The following UNC13C variants were observed in gnomAD, a reference collection of about 807,000 sequenced individuals.
The protein encoded by UNC13C is protein unc-13 homolog C.
In UNC13C, 174 loss-of-function variants were observed where a neutral mutation model predicts 245.4. The observed-to-expected ratio is 0.71, with a 90% CI of 0.63 to 0.80. The LOEUF (loss-of-function observed/expected upper bound fraction) is 0.80. UNC13C is among the 30% of genes least tolerant of loss of function. The pLI, the probability that UNC13C is intolerant of heterozygous loss-of-function variation, is 0.00. For synonymous variants in UNC13C, 992 were observed against 895.1 expected, an observed-to-expected ratio of 1.11 and a Z score of -1.93; for missense variants, 2,829 against 2,602.9, an observed-to-expected ratio of 1.09 and a Z score of -1.89.
intron 17 of UNC13C, among the ~76,000 whole-genome samples, chr15:54,365,926 C>A (rs999515870): frequency 1.3e-5 from 2 of 152,042 alleles, no homozygotes; most frequent in Non-Finnish European, 2.9e-5. Context: ...GAAAATATAT[C>A]GTTTTCAATT....
intron 10 of UNC13C, among the ~76,000 whole-genome samples, chr15:54,287,568 A>T (rs1325365722): frequency 6.6e-6 from 1 of 152,336 alleles, no homozygotes; most frequent in African/African-American, 2.4e-5. Flanking sequence ...TTCAAAGAAC[A>T]AAGCTTATTT....
intron 4 of UNC13C, among the ~76,000 whole-genome samples, chr15:54,227,944 G>C (rs1484743441): frequency 6.6e-6 from 1 of 152,220 alleles, no homozygotes; most frequent in Non-Finnish European, 1.5e-5. Context: ...AGGATAGTGA[G>C]TTCGCTCTCA....
intron 4 of UNC13C, among the ~76,000 whole-genome samples, chr15:54,169,163 A>C (rs1464040153): frequency 6.6e-6 from 1 of 152,188 alleles, no homozygotes; most frequent in Admixed American, 6.5e-5. Context: ...AAGTTTTTCA[A>C]ATTAGACGAA....
At chr15:54,544,582 A>T (rs1044346834) in intron 26 of UNC13C, among the ~76,000 whole-genome samples, 1 of 152,226 alleles carries the variant, frequency 6.6e-6, no homozygotes, top group Admixed American at 6.5e-5. Flanking sequence ...TGAAGCTGAT[A>T]AGAACCTTAA....
At chr15:54,057,763 C>G (rs1302731058) in intron 2 of UNC13C, among the ~76,000 whole-genome samples, 1 of 152,216 alleles carries the variant, frequency 6.6e-6, no homozygotes, top group Non-Finnish European at 1.5e-5. Flanking sequence ...CAAACTGTCT[C>G]TCAGACCACA....
chr15:54,023,254 C>T (rs1895974702), intron 2 of UNC13C, among the ~76,000 whole-genome samples: 2 of 152,170 alleles, frequency 1.3e-5, no homozygotes, highest in African/African-American at 4.8e-5. Context: ...TGGTTGACTC[C>T]TATTGTGCCT....
At chr15:54,313,487 T>G (rs1287761928) in intron 13 of UNC13C, among the ~76,000 whole-genome samples, 1 of 151,838 alleles carries the variant, frequency 6.6e-6, no homozygotes, top group East Asian at 1.9e-4. Context: ...ATTGTTGACT[T>G]TAAGAGTCTC....
chr15:54,450,508 A>C (rs1187706583), intron 19 of UNC13C, among the ~76,000 whole-genome samples: 3 of 152,162 alleles, frequency 2.0e-5, no homozygotes, highest in Non-Finnish European at 2.9e-5. Flanking sequence ...TGCCTTGCAG[A>C]TGGATCTCAG....
In UNC13C at chr15:54,559,802, G is replaced by A. The variant is rs556646491; in HGVS notation, c.5958+4290G>A. On this transcript the variant is annotated intron_variant, in intron 29 of 32. Transcript: ENST00000260323. Reference sequence around the variant, plus strand: ...AGTGACCGAAGAGAAGGCATTGGCCGGCATGAAAACTTTAAATAGTCTAGT... The same window carrying A: ...AGTGACCGAAGAGAAGGCATTGGCCAGCATGAAAACTTTAAATAGTCTAGT... Among the ~76,000 whole-genome samples, 5 of 152,036 alleles carry A rather than the reference G, an allele frequency of 3.3e-5. No homozygotes were observed. In the South Asian group the frequency reaches 6.2e-4, roughly 19 times the overall value.
At chr15:54,544,775 C>A (rs1389842998) in intron 26 of UNC13C, among the ~76,000 whole-genome samples, 1 of 152,108 alleles carries the variant, frequency 6.6e-6, no homozygotes, top group Non-Finnish European at 1.5e-5. Flanking sequence ...GAACTACAAA[C>A]CACTACTCAA....
At chr15:54,407,990 A>G (rs1254851178) in intron 18 of UNC13C, among the ~76,000 whole-genome samples, 2 of 151,946 alleles carry the variant, frequency 1.3e-5, no homozygotes, top group Non-Finnish European at 2.9e-5. Context: ...TCATGAGGTC[A>G]GGAGATCGAG....
chr15:54,350,055 G>C (rs995208023), intron 17 of UNC13C, among the ~76,000 whole-genome samples: 1 of 151,874 alleles, frequency 6.6e-6, no homozygotes, highest in South Asian at 2.1e-4. Flanking sequence ...GCAGTGGCAC[G>C]AACTGGGCTC....
At chr15:54,280,922 T>A (rs566110357) in intron 10 of UNC13C, among the ~76,000 whole-genome samples, 97 of 151,978 alleles carry the variant, frequency 6.4e-4, no homozygotes, top group Middle Eastern at 3.4e-3. Flanking sequence ...CTCAGGCTCC[T>A]GAGTAACTGA....
chr15:54,310,855 C>T (rs1370759178), intron 13 of UNC13C, among the ~76,000 whole-genome samples: 2 of 151,558 alleles, frequency 1.3e-5, no homozygotes, highest in South Asian at 2.1e-4. Flanking sequence ...GAAATGTAGC[C>T]ACTAATACTG....
At chr15:54,617,073 G>T (rs889543340) in intron 30 of UNC13C, among the ~76,000 whole-genome samples, 1 of 152,028 alleles carries the variant, frequency 6.6e-6, no homozygotes, top group African/African-American at 2.4e-5. Context: ...ATACCACCTA[G>T]GTTTGTGTAA....
In UNC13C at chr15:54,057,614, A is replaced by C. The variant is rs1429545504; in HGVS notation, c.2983+41728A>C. ...CTCAGCTCTGCACCAAGTGGACCTA[A>C]TAGACATCTACAGAGCTCTCCACCC... On this transcript the variant is annotated intron_variant, in intron 2 of 32. Coordinates refer to ENST00000260323, the MANE Select transcript of UNC13C (RefSeq NM_001080534.3). 1.3e-4 allele frequency among the ~76,000 whole-genome samples: 20 copies of C among 152,352 alleles called. No individual in the cohort carries two copies. The East Asian group carries it at 3.7e-3, about 28-fold the overall frequency.
the UNC13C span, among the ~76,000 whole-genome samples, chr15:53,886,023 G>C: frequency 6.6e-6 from 1 of 152,164 alleles, no homozygotes; most frequent in Non-Finnish European, 1.5e-5. Flanking sequence ...GGAATTTACA[G>C]ATAACGAAGA....
At chr15:54,437,192 G>T (rs553246495) in intron 19 of UNC13C, among the ~76,000 whole-genome samples, 7 of 152,012 alleles carry the variant, frequency 4.6e-5, no homozygotes, top group African/African-American at 1.7e-4. Flanking sequence ...TATTTTTTGT[G>T]TGTGTTGGCA....
At chr15:54,097,701 A>G (rs909668867) in intron 2 of UNC13C, among the ~76,000 whole-genome samples, 2 of 152,198 alleles carry the variant, frequency 1.3e-5, no homozygotes, top group African/African-American at 4.8e-5. Context: ...TAATTCATCC[A>G]TTTGTTCACC....
Sources: allele counts gnomAD v4.1 joint callset (sites outside exome capture counted in the v4.1 genomes callset), GRCh38; gene constraint gnomAD v4.1.1; transcripts MANE v1.5; gene names NCBI Gene and HGNC (gene_info 2026-07-23, HGNC 2026-07-21).